The following SACS variants were observed in gnomAD, a reference collection of about 807,000 sequenced individuals.
SACS encodes the protein sacsin.
In SACS, 197 loss-of-function variants were observed where a neutral mutation model predicts 348.0. The ratio of observed to expected loss-of-function variants is 0.57; its 90% CI spans 0.50 to 0.64. SACS has a LOEUF of 0.64. Ranked by LOEUF, SACS falls within the 30% of genes least tolerant of loss-of-function variation. SACS has a pLI of 0.00. For synonymous variants in SACS, 1,985 were observed against 1,910.6 expected (o/e 1.04, Z -1.02); for missense variants, 4,999 against 5,360.8 (o/e 0.93, Z 2.11).
intron 6 of SACS, among the ~76,000 whole-genome samples, chr13:23,363,233 A>G (rs1259916841): frequency 3.2e-5 from 4 of 126,760 alleles, no homozygotes; most frequent in South Asian, 2.6e-4. Flanking sequence ...ACTTACTTAT[A>G]TATTTATTTT....
rs1868575113 is a variant in SACS at position 23,336,188 on chromosome 13, AAACAGATTTCTG to A, written c.7676_7687del (p.Thr2559_Phe2563delinsIle). On this transcript the variant is annotated inframe_deletion, in exon 10 of 10. Transcript: ENST00000382292. Reference sequence around the variant, plus strand: ...TGGATGCTGTCTAGGATCAAACACAAAACAGATTTCTGTCGCCTTTGCATCATCAGCATTTTG... The same window carrying A: ...TGGATGCTGTCTAGGATCAAACACAATCGCCTTTGCATCATCAGCATTTTG... The A allele has an allele frequency of 6.2e-7, 1 of 1,614,080 alleles. No individual in the cohort carries two copies. Among genetic ancestry groups the A allele is most frequent in the Non-Finnish European group, 8.5e-7 (1 of 1,179,946 alleles).
chr13:23,382,734 G>A (rs1314864592), intron 2 of SACS, among the ~76,000 whole-genome samples: 1 of 151,372 alleles, frequency 6.6e-6, no homozygotes, highest in Admixed American at 6.6e-5. Context: ...ACCATTTAGG[G>A]CAGAGAGACA....
At chr13:23,387,357 G>A (rs749251997) in intron 2 of SACS, among the ~76,000 whole-genome samples, 1 of 151,354 alleles carries the variant, frequency 6.6e-6, no homozygotes, top group Non-Finnish European at 1.5e-5. Flanking sequence ...AGCTACTCAG[G>A]AGGCTGAAGC....
intron 2 of SACS, among the ~76,000 whole-genome samples, chr13:23,388,207 A>T (rs985318688): frequency 5.3e-5 from 8 of 151,712 alleles, no homozygotes; most frequent in Non-Finnish European, 1.2e-4. Context: ...GGTGGCTCAC[A>T]CCTGTAATCC....
chr13:23,356,836 G>A (rs541705109), intron 7 of SACS, among the ~76,000 whole-genome samples: 6 of 152,244 alleles, frequency 3.9e-5, no homozygotes, highest in South Asian at 2.1e-4. Context: ...TAATACCTAC[G>A]GTCGTCAAGC....
chr13:23,405,380 T>G (rs2137942022), intron 2 of SACS, among the ~76,000 whole-genome samples: 1 of 152,102 alleles, frequency 6.6e-6, no homozygotes, highest in Non-Finnish European at 1.5e-5. Flanking sequence ...GAAACTGGAC[T>G]CCTTACACCT....
At chr13:23,381,259 G>A (rs1215139056) in intron 2 of SACS, among the ~76,000 whole-genome samples, 2 of 151,914 alleles carry the variant, frequency 1.3e-5, no homozygotes, top group Non-Finnish European at 2.9e-5. Context: ...GCTCATCAGG[G>A]CCCAGTGTCC....
In SACS at chr13:23,355,100, A is replaced by G; in HGVS notation, c.1512T>C (p.Ala504=). Residue 504 remains alanine (A), a synonymous_variant, in exon 8 of 10, where the codon GCT becomes GCC. Coordinates refer to ENST00000382292, the MANE Select transcript of SACS (RefSeq NM_014363.6). ...TTGAATCTAAGATCAGAGTAGCATAAGCTTTGGGGACAACATTCATGACAA... is the reference window on the plus strand; with the variant it reads ...TTGAATCTAAGATCAGAGTAGCATAGGCTTTGGGGACAACATTCATGACAA... The part of the protein sequence containing the change: ...EFLVMNVVPK[A]YATLILDSIK... The G allele has an allele frequency of 6.2e-7, 1 of 1,614,178 alleles. No homozygotes were observed.
At chr13:23,406,528 T>TA (rs34125645) in intron 2 of SACS, among the ~76,000 whole-genome samples, 1 of 151,736 alleles carries the variant, frequency 6.6e-6, no homozygotes, top group Non-Finnish European at 1.5e-5. Flanking sequence ...TAAAGTATAA[T>TA]AAAAAAAAGT....
At chr13:23,357,053 A>G (rs1299406210) in intron 7 of SACS, among the ~76,000 whole-genome samples, 2 of 152,212 alleles carry the variant, frequency 1.3e-5, no homozygotes, top group South Asian at 2.1e-4. Context: ...CCTATGACCT[A>G]TGACCTTCTC....
At chr13:23,379,023 G>A (rs1871930983) in intron 2 of SACS, among the ~76,000 whole-genome samples, 1 of 152,262 alleles carries the variant, frequency 6.6e-6, no homozygotes. Flanking sequence ...TACTCTTCCA[G>A]TCAGTTAATA....
intron 2 of SACS, among the ~76,000 whole-genome samples, chr13:23,404,491 C>A (rs1310446142): frequency 6.6e-6 from 1 of 152,176 alleles, no homozygotes; most frequent in Non-Finnish European, 1.5e-5. Context: ...AAGCTGGAAG[C>A]ATTCCCTTTG....
At chr13:23,372,829 T>C (rs1351236472) in intron 3 of SACS, among the ~76,000 whole-genome samples, 1 of 152,190 alleles carries the variant, frequency 6.6e-6, no homozygotes, top group African/African-American at 2.4e-5. Context: ...ATCCCCCACA[T>C]CCACATCCAT....
intron 6 of SACS, among the ~76,000 whole-genome samples, chr13:23,359,403 G>C (rs1482184988): frequency 7.3e-6 from 1 of 136,622 alleles, no homozygotes; most frequent in Non-Finnish European, 1.7e-5. Flanking sequence ...TAATCACCTT[G>C]TAAGTGTTTG....
chr13:23,356,082 A>G, intron 7 of SACS, 75 bp from the exon 8 acceptor site: 3 of 1,226,470 alleles, frequency 2.4e-6, no homozygotes, highest in Non-Finnish European at 3.5e-6. Context: ...TAATAAATAT[A>G]TGAAAAAGCA....
At position 23,411,265 on chromosome 13, in the gene SACS, T is replaced by G. The variant is rs369718879; in HGVS notation, c.-26A>C. ...GATCACTTCTCCTGGGATATTTGTT[T>G]GTGAAAACCATGAAAGTACGCTTCT... On this transcript the variant is annotated 5_prime_UTR_variant, in exon 2 of 10. Coordinates refer to ENST00000382292, the MANE Select transcript of SACS (RefSeq NM_014363.6). The G allele has an allele frequency of 6.3e-7, 1 of 1,599,952 alleles. No homozygotes were observed.
intron 8 of SACS, among the ~76,000 whole-genome samples, chr13:23,354,199 A>G (rs1330242072): frequency 6.6e-6 from 1 of 152,226 alleles, no homozygotes; most frequent in Non-Finnish European, 1.5e-5. Flanking sequence ...TTTAAATATT[A>G]TCAAAATAAT....
chr13:23,353,322 AG>A (rs946461866), intron 9 of SACS, among the ~76,000 whole-genome samples: 33 of 152,286 alleles, frequency 2.2e-4, no homozygotes, highest in African/African-American at 6.7e-4. Context: ...AAAACCATGG[AG>A]GGGCAGTGGT....
At chr13:23,371,348 A>T (rs1666781710) in intron 3 of SACS, among the ~76,000 whole-genome samples, 183 bp from the exon 4 acceptor site, 2 of 152,254 alleles carry the variant, frequency 1.3e-5, no homozygotes, top group Admixed American at 1.3e-4. Context: ...TTATTTAAAA[A>T]TTTAAGGGAC....
Sources: allele counts gnomAD v4.1 joint callset (sites outside exome capture counted in the v4.1 genomes callset), GRCh38; gene constraint gnomAD v4.1.1; transcripts MANE v1.5; gene names NCBI Gene and HGNC (gene_info 2026-07-23, HGNC 2026-07-21).